Variants in CDH11 observed in about 807,000 individuals in gnomAD.
The protein encoded by CDH11 is cadherin-11.
Under a neutral mutation model 67.8 loss-of-function variants are expected in CDH11, and 11 were observed. That is an observed-to-expected ratio of 0.16 (90% CI 0.10 to 0.27). The LOEUF (loss-of-function observed/expected upper bound fraction) is 0.27, where lower values mean the gene tolerates loss of function less well. Among genes scored for constraint, CDH11 ranks in the 10% least tolerant of loss-of-function variants. The pLI is 1.00. For synonymous variants in CDH11, 419 were observed against 400.0 expected (o/e 1.05, Z -0.57); for missense variants, 847 against 1,031.2 (o/e 0.82, Z 2.45).
rs115350210 is a variant in CDH11, at chr16:65,059,985, C to G, written c.-297-6057G>C. Among the ~76,000 whole-genome samples the G allele has an allele frequency of 5.6e-3, 851 of 152,290 alleles. 11 individuals are homozygous for G. Among genetic ancestry groups the G allele is most frequent in the African/African-American group, 0.019 (789 of 41,570 alleles). On this transcript the variant is annotated intron_variant, in intron 1 of 12. Coordinates refer to ENST00000268603, the MANE Select transcript of CDH11 (RefSeq NM_001797.4). ...ATGTAGCTTCACTTTCTCCTTTCAA[C>G]ATATTAACAACTGAGGTACTAGAAG...
At chr16:65,026,284 G>A (rs1273780751) in intron 2 of CDH11, among the ~76,000 whole-genome samples, 1 of 152,054 alleles carries the variant, frequency 6.6e-6, no homozygotes. Flanking sequence ...TGATGAGGTG[G>A]GTATTGCCTC....
intron 2 of CDH11, among the ~76,000 whole-genome samples, chr16:65,012,796 A>C (rs1487331419): frequency 6.6e-6 from 1 of 152,190 alleles, no homozygotes; most frequent in Non-Finnish European, 1.5e-5. Flanking sequence ...CAAGAGGAAA[A>C]AAGTTTGGTG....
chr16:65,107,403 T>C (rs1425859338), intron 1 of CDH11, among the ~76,000 whole-genome samples: 1 of 152,198 alleles, frequency 6.6e-6, no homozygotes, highest in Non-Finnish European at 1.5e-5. Context: ...TCAGCTATTA[T>C]AACAATGCTT....
At chr16:65,063,393 T>C (rs1352651499) in intron 1 of CDH11, among the ~76,000 whole-genome samples, 1 of 152,136 alleles carries the variant, frequency 6.6e-6, no homozygotes, top group African/African-American at 2.4e-5. Context: ...TGGAGCTGGG[T>C]CATCTTACCA....
In CDH11 at chr16:65,047,359, GT is replaced by G. The variant is rs202065971; in HGVS notation, c.-173+6444del. 4.4e-4 allele frequency among the ~76,000 whole-genome samples: 66 copies of G among 148,322 alleles called. 1 individual carries two copies. In the East Asian group the frequency reaches 7.4e-3, roughly 17 times the overall value. On this transcript the variant is annotated intron_variant, in intron 2 of 12. Coordinates refer to ENST00000268603, the MANE Select transcript of CDH11 (RefSeq NM_001797.4). ...TTTTAATTTTTTTTGTTTGTTTTTG[GT>G]TTTTTTTTTTAGATGGAGTCTTGCT... is the stretch of plus-strand genomic sequence containing the variant.
At chr16:65,118,637 A>G (rs2142899689) in intron 1 of CDH11, among the ~76,000 whole-genome samples, 1 of 152,308 alleles carries the variant, frequency 6.6e-6, no homozygotes, top group East Asian at 1.9e-4. Context: ...AACACATTTC[A>G]ATCCCTTAAA....
chr16:64,967,668 A>C (rs2071878533), intron 11 of CDH11, among the ~76,000 whole-genome samples: 1 of 152,180 alleles, frequency 6.6e-6, no homozygotes, highest in Non-Finnish European at 1.5e-5. Context: ...ATTAGTGGAC[A>C]TATATTTCAC....
At chr16:65,046,702 G>A (rs770494042) in intron 2 of CDH11, among the ~76,000 whole-genome samples, 1 of 152,172 alleles carries the variant, frequency 6.6e-6, no homozygotes, top group Non-Finnish European at 1.5e-5. Context: ...AGAATTTATT[G>A]TGTTATTTGG....
intron 1 of CDH11, among the ~76,000 whole-genome samples, chr16:65,085,444 A>G (rs1168165714): frequency 6.6e-6 from 1 of 152,244 alleles, no homozygotes; most frequent in African/African-American, 2.4e-5. Context: ...TGGGAATATT[A>G]GCCAAATAAT....
intron 1 of CDH11, among the ~76,000 whole-genome samples, chr16:65,058,043 T>A (rs541558552): frequency 6.6e-6 from 1 of 152,092 alleles, no homozygotes; most frequent in East Asian, 1.9e-4. Flanking sequence ...AAGACCAGCC[T>A]GGGCAATATG....
At chr16:64,983,550 G>A (rs752508022) in intron 7 of CDH11, among the ~76,000 whole-genome samples, 58 of 152,226 alleles carry the variant, frequency 3.8e-4, no homozygotes, top group Middle Eastern at 6.8e-3. Context: ...ATCTAATTTT[G>A]CAGTACTCTA....
At chr16:64,978,072 G>T (rs750889594) in intron 8 of CDH11, among the ~76,000 whole-genome samples, 1 of 151,886 alleles carries the variant, frequency 6.6e-6, no homozygotes. Flanking sequence ...AAATTCATTA[G>T]TGCCTCCCTA....
chr16:65,010,090 C>G (rs1202941006), intron 2 of CDH11, among the ~76,000 whole-genome samples: 1 of 152,184 alleles, frequency 6.6e-6, no homozygotes, highest in East Asian at 1.9e-4. Context: ...GTCCCCTCCC[C>G]ACAGAGCTGG....
chr16:65,042,634 A>G (rs945729131), intron 2 of CDH11, among the ~76,000 whole-genome samples: 8 of 152,112 alleles, frequency 5.3e-5, no homozygotes, highest in African/African-American at 1.9e-4. Flanking sequence ...GACGTCAATA[A>G]ATAGTTTAAA....
intron 7 of CDH11, among the ~76,000 whole-genome samples, chr16:64,984,076 T>G (rs1476377618): frequency 1.3e-5 from 2 of 152,198 alleles, no homozygotes; most frequent in Non-Finnish European, 2.9e-5. Flanking sequence ...CAGAGGTTTA[T>G]GTGGGATGTA....
intron 1 of CDH11, among the ~76,000 whole-genome samples, chr16:65,101,643 G>A (rs1413527410): frequency 6.6e-6 from 1 of 152,046 alleles, no homozygotes; most frequent in Non-Finnish European, 1.5e-5. Flanking sequence ...CCCATGAGCA[G>A]TGCTCCTCAG....
chr16:64,982,074 G>T lies in CDH11; in HGVS notation c.1227C>A (p.Asp409Glu), dbSNP rs2142458505. The change falls in exon 8 of 13, where the codon GAC becomes GAA. Residue 409 changes from aspartate to glutamate, a missense_variant. This residue lies in a region of CDH11 where 612 missense variants were observed against 678.7 expected (regional missense o/e 0.90). Coordinates refer to ENST00000268603, the MANE Select transcript of CDH11 (RefSeq NM_001797.4). ...TTATCGGGCTGTTGGCAGCATCAGG[G>T]TCTTTGGCATGCACTCTCCCAACCA... ...GTVVGRVHAK[D>E]PDAANSPIRY... is the part of the protein sequence containing the mutation. 2 of 1,613,706 alleles carry T rather than the reference G, an allele frequency of 1.2e-6. No individual in the cohort carries two copies. Among genetic ancestry groups the T allele is most frequent in the Non-Finnish European group, 1.7e-6 (2 of 1,179,804 alleles).
At chr16:64,977,281 TG>T (rs1371016925) in intron 8 of CDH11, among the ~76,000 whole-genome samples, 4 of 151,972 alleles carry the variant, frequency 2.6e-5, no homozygotes, top group Non-Finnish European at 5.9e-5. Flanking sequence ...TAGGTGGGAG[TG>T]GGCGGTTGGT....
At chr16:65,043,247 A>C (rs1391856067) in intron 2 of CDH11, among the ~76,000 whole-genome samples, 1 of 152,158 alleles carries the variant, frequency 6.6e-6, no homozygotes, top group East Asian at 1.9e-4. Context: ...TTGTGTATTC[A>C]TGCACAGACA....
Sources: gnomAD v4.1 joint callset for allele counts (sites outside exome capture counted in the v4.1 genomes callset) on GRCh38, gnomAD v4.1.1 for gene constraint, gnomAD v4.1.1 regional missense constraint, MANE v1.5 for transcripts, NCBI Gene and HGNC (gene_info 2026-07-23, HGNC 2026-07-21) for gene names.